Variants in TRIM36 observed in about 807,000 individuals in gnomAD.
The protein encoded by TRIM36 is tripartite motif containing 36, also known as E3 ubiquitin-protein ligase TRIM36.
Under a neutral mutation model 72.4 loss-of-function variants are expected in TRIM36, and 42 were observed. The ratio of observed to expected loss-of-function variants is 0.58; its 90% CI spans 0.45 to 0.75. The LOEUF is 0.75. Among genes scored for constraint, TRIM36 ranks in the 30% least tolerant of loss-of-function variants. The probability of loss-of-function intolerance (pLI) is 0.00; values close to 1 mark genes in which losing one functional copy is unlikely to be tolerated. For synonymous variants in TRIM36, 315 were observed against 282.8 expected (o/e 1.11, Z -1.14); for missense variants, 913 against 857.1 (o/e 1.07, Z -0.81).
intron 1 of TRIM36, among the ~76,000 whole-genome samples, chr5:115,165,555 G>T (rs1299939477): frequency 6.6e-6 from 1 of 152,184 alleles, no homozygotes; most frequent in African/African-American, 2.4e-5. Flanking sequence ...GAACAGCTGG[G>T]ACACAGGGCA....
intron 1 of TRIM36, 112 bp from the exon 2 acceptor site, chr5:115,163,864 T>C (rs1754621890): frequency 1.1e-6 from 1 of 936,952 alleles, no homozygotes. Flanking sequence ...ATTAAGAAAA[T>C]GATTTTCTAA....
chr5:115,145,514 C>CATTTATTT (rs200095219), intron 3 of TRIM36, among the ~76,000 whole-genome samples: 1 of 147,148 alleles, frequency 6.8e-6, no homozygotes, highest in Non-Finnish European at 1.5e-5. Context: ...AACTTACAGA[C>CATTTATTT]ATTTATTTAT....
At chr5:115,152,808 A>C (rs370855089) in intron 2 of TRIM36, among the ~76,000 whole-genome samples, 8 of 152,326 alleles carry the variant, frequency 5.3e-5, no homozygotes, top group African/African-American at 1.7e-4. Context: ...TCAGACAAAC[A>C]AATGCTGAGA....
Position 115,133,927 on chromosome 5 carries a change from T to G in TRIM36, c.1431A>C (p.Arg477Ser), listed in dbSNP as rs1752823088. The G allele has an allele frequency of 2.5e-6, 4 of 1,613,498 alleles. No homozygotes were observed. The highest frequency in any genetic ancestry group is 3.4e-6 in the Non-Finnish European group (4 of 1,179,832). The change falls in exon 8 of 10, where the codon AGA becomes AGC. Residue 477 changes from arginine (R) to serine (S), a missense_variant. Transcript: ENST00000513154. Reference protein sequence around the residue: ...ENSSTYAFRVRAYKGSICSPC... With the variant: ...ENSSTYAFRVSAYKGSICSPC... ...GACTACAGATTGAACCCTTGTAAGC[T>G]CTTACTCTGAAAGCATAGGTACTAC...
At chr5:115,127,368 C>G (rs780519121) in intron 9 of TRIM36, among the ~76,000 whole-genome samples, 4 of 152,212 alleles carry the variant, frequency 2.6e-5, no homozygotes, top group Non-Finnish European at 5.9e-5. Flanking sequence ...CCAGACCAAC[C>G]TGGCCAACAT....
At chr5:115,163,014 A>T (rs574290415) in intron 2 of TRIM36, among the ~76,000 whole-genome samples, 12 of 151,390 alleles carry the variant, frequency 7.9e-5, no homozygotes, top group African/African-American at 2.9e-4. Flanking sequence ...CTGGAGTGCA[A>T]TGGCGCGATC....
intron 1 of TRIM36, among the ~76,000 whole-genome samples, chr5:115,178,763 T>A (rs4705521): frequency 0.15 from 22,143 of 152,152 alleles, 2,560 homozygotes; most frequent in East Asian, 0.43. Flanking sequence ...GAAATGTTAA[T>A]GAATATTCTG....
chr5:115,163,627 A>G lies in TRIM36; in HGVS notation c.153T>C (p.Thr51=). Residue 51 remains threonine (T), a synonymous_variant, in exon 2 of 10, where the codon ACT becomes ACC. Transcript: ENST00000513154. ...CCACATCGTTGAATGAATCATCGAG[A>G]GTCAGCAGGAGTTCTTTTACACATT... ...CHKCVKELLL[T]LDDSFNDVGS... is the part of the protein sequence containing the mutation. The G allele has an allele frequency of 1.2e-6, 2 of 1,614,188 alleles. No homozygotes were observed. Among genetic ancestry groups the G allele is most frequent in the Admixed American group, 1.7e-5 (1 of 60,022 alleles).
chr5:115,127,136 G>A (rs1335892762), intron 9 of TRIM36, among the ~76,000 whole-genome samples: 4 of 152,180 alleles, frequency 2.6e-5, no homozygotes, highest in African/African-American at 9.7e-5. Context: ...AAAAGTGAGG[G>A]AGCGGGCAGT....
chr5:115,128,192 A>T (rs1752456409), intron 9 of TRIM36, among the ~76,000 whole-genome samples: 1 of 151,526 alleles, frequency 6.6e-6, no homozygotes, highest in Admixed American at 6.6e-5. Flanking sequence ...CAACATGGGG[A>T]AATTTCATCT....
chr5:115,137,251 G>A (rs1425735765), intron 6 of TRIM36, 112 bp downstream of exon 6: 16 of 1,474,224 alleles, frequency 1.1e-5, no homozygotes, highest in Non-Finnish European at 9.1e-7. Flanking sequence ...GAGGCAAGAT[G>A]TACCTCACAT....
At chr5:115,179,961 G>C (rs774353135) in intron 1 of TRIM36, 4 of 1,613,606 alleles carry the variant, frequency 2.5e-6, no homozygotes, top group South Asian at 2.2e-5. Flanking sequence ...GGCGCCCCGC[G>C]CCTCATCACT....
At chr5:115,154,450 T>C (rs1580684294) in intron 2 of TRIM36, among the ~76,000 whole-genome samples, 1 of 151,174 alleles carries the variant, frequency 6.6e-6, no homozygotes, top group Admixed American at 6.6e-5. Context: ...TTAGCAAAAT[T>C]AACTAAGAAG....
intron 1 of TRIM36, chr5:115,179,948 C>T: frequency 1.2e-6 from 2 of 1,611,652 alleles, no homozygotes; most frequent in Non-Finnish European, 1.7e-6. Context: ...GGGCCCAGGC[C>T]GCGGCGCCCC....
intron 2 of TRIM36, among the ~76,000 whole-genome samples, chr5:115,158,135 G>A (rs200199800): frequency 6.9e-4 from 27 of 39,040 alleles, no homozygotes; most frequent in African/African-American, 2.9e-3. Flanking sequence ...TTTTAAAAAT[G>A]AAAGAAAGAA....
chr5:115,176,221 C>G (rs1042974489), intron 1 of TRIM36, among the ~76,000 whole-genome samples: 3 of 152,206 alleles, frequency 2.0e-5, no homozygotes, highest in Non-Finnish European at 4.4e-5. Flanking sequence ...GAGCAACTAT[C>G]TATTCGTCCT....
chr5:115,146,782 T>C (rs967234682), intron 3 of TRIM36, among the ~76,000 whole-genome samples: 5 of 152,214 alleles, frequency 3.3e-5, no homozygotes, highest in African/African-American at 1.2e-4. Context: ...ATATCTGAGA[T>C]AACCTTTCTT....
Position 115,177,748 on chromosome 5 carries a change from T to A in TRIM36, c.63+2227A>T, listed in dbSNP as rs752739833. On this transcript the variant is annotated intron_variant, in intron 1 of 9. Coordinates refer to the TRIM36 transcript ENST00000282369. ...CCCCACAAAACAGAGAGAGGAATTG[T>A]CCTAAGTTCTTCTTGGGAGAGACTG... is the stretch of plus-strand genomic sequence containing the variant. The A allele has an allele frequency of 4.3e-6, 7 of 1,613,952 alleles. No individual in the cohort carries two copies. The South Asian group carries it at 5.5e-5, about 13-fold the overall frequency.
chr5:115,157,374 C>A (rs902575740), intron 2 of TRIM36, among the ~76,000 whole-genome samples: 4 of 152,068 alleles, frequency 2.6e-5, no homozygotes, highest in Non-Finnish European at 5.9e-5. Context: ...ACCAGCCTGA[C>A]TGACATGGTG....
Sources: gnomAD v4.1 joint callset for allele counts (sites outside exome capture counted in the v4.1 genomes callset) on GRCh38, gnomAD v4.1.1 for gene constraint, MANE v1.5 for transcripts, NCBI Gene and HGNC (gene_info 2026-07-23, HGNC 2026-07-21) for gene names.